The following PUDP variants were observed in gnomAD, a reference collection of about 807,000 sequenced individuals.
The protein encoded by PUDP is pseudouridine 5'-phosphatase.
A neutral mutation model predicts 9.4 loss-of-function variants in PUDP; 8 were observed. The ratio of observed to expected loss-of-function variants is 0.85; its 90% CI spans 0.50 to 1.53. The LOEUF is 1.53. Ranked by LOEUF, PUDP falls within the 40% of genes most tolerant of loss-of-function variation. PUDP has a pLI of 0.00. For missense variants in PUDP, 188 were observed against 189.7 expected (o/e 0.99, Z 0.05); for synonymous variants, 99 against 80.7 (o/e 1.23, Z -1.22).
At chrX:6,973,331 T>A (rs1261996837) in intron 3 of PUDP, among the ~76,000 whole-genome samples, 1 of 112,229 alleles carries the variant, frequency 8.9e-6, no homozygotes, top group Non-Finnish European at 1.9e-5. Flanking sequence ...TCCCACTTTC[T>A]CCTGTGGGCA....
intron 3 of PUDP, among the ~76,000 whole-genome samples, chrX:6,837,737 C>T (rs13440955): frequency 3.8e-4 from 42 of 111,719 alleles, no homozygotes; most frequent in African/African-American, 9.8e-4. Context: ...TACACTGATG[C>T]GCAACCCATC....
intron 1 of PUDP, among the ~76,000 whole-genome samples, chrX:7,111,576 C>T (rs1196485789): frequency 9.0e-6 from 1 of 111,355 alleles, no homozygotes; most frequent in Non-Finnish European, 1.9e-5. Context: ...TCCTCTAAAG[C>T]CTGGTGGTCT....
At chrX:6,850,790 C>T (rs1302756671) in intron 3 of PUDP, among the ~76,000 whole-genome samples, 1 of 112,061 alleles carries the variant, frequency 8.9e-6, no homozygotes, top group East Asian at 2.8e-4. Context: ...ATGAAAATAG[C>T]TGACACCTGG....
chrX:6,903,176 A>G (rs1927716365), intron 3 of PUDP, among the ~76,000 whole-genome samples: 1 of 112,324 alleles, frequency 8.9e-6, no homozygotes, highest in Admixed American at 9.4e-5. Context: ...ATGAGCATGA[A>G]CTTCTTACAG....
At chrX:6,811,623 C>CT (rs35328260) in intron 3 of PUDP, among the ~76,000 whole-genome samples, 35 of 100,241 alleles carry the variant, frequency 3.5e-4, no homozygotes, top group Admixed American at 1.2e-3. Context: ...CACGCCTGGC[C>CT]TTTTTTTTTT....
intron 3 of PUDP, chrX:7,057,612 AG>A: frequency 9.1e-7 from 1 of 1,100,996 alleles, no homozygotes. Context: ...AAGGAGAGGT[AG>A]CTTTTGTGAC....
intron 2 of PUDP, among the ~76,000 whole-genome samples, chrX:7,096,890 A>G (rs773728010): frequency 1.8e-5 from 2 of 110,848 alleles, no homozygotes; most frequent in South Asian, 7.8e-4. Context: ...CTGAAGGGAT[A>G]TTCTCCCTAC....
At chrX:6,899,499 G>A (rs1383165785) in intron 3 of PUDP, among the ~76,000 whole-genome samples, 1 of 109,840 alleles carries the variant, frequency 9.1e-6, no homozygotes, top group Non-Finnish European at 1.9e-5. Context: ...CTTGAACCCA[G>A]GAGGCAGAGG....
chrX:7,089,797 T>A (rs1394575708), intron 2 of PUDP, among the ~76,000 whole-genome samples: 2 of 111,472 alleles, frequency 1.8e-5, no homozygotes, highest in African/African-American at 3.3e-5. Context: ...TACCATGGGG[T>A]CTGTAAAGCT....
intron 3 of PUDP, among the ~76,000 whole-genome samples, chrX:7,069,483 G>A (rs1209357017): frequency 1.8e-5 from 2 of 110,369 alleles, no homozygotes; most frequent in Non-Finnish European, 1.9e-5. Context: ...TGCCACGTGC[G>A]CTCGGCAGGC....
At chrX:7,098,933 G>A (rs1244152260) in intron 2 of PUDP, among the ~76,000 whole-genome samples, 2 of 111,062 alleles carry the variant, frequency 1.8e-5, no homozygotes, top group African/African-American at 6.5e-5. Context: ...GGGAGAGCCG[G>A]CCAAGAGATG....
chrX:7,049,196 AG>A lies in PUDP; in HGVS notation c.*1099del, dbSNP rs1300989922. On this transcript the variant is annotated 3_prime_UTR_variant, in exon 4 of 4. Coordinates refer to ENST00000381077, the MANE Select transcript of PUDP (RefSeq NM_012080.5). ...AGGACATCAAAGGGCAGAGGCCCCT[AG>A]GAAGGGCTGAGCCACAATGAAGCAG... 4.5e-5 allele frequency: 5 copies of A among 112,270 alleles called. No homozygotes were observed. In the East Asian group the frequency reaches 1.4e-3, roughly 31 times the overall value. 9.3% of individuals were successfully genotyped at this position (112,270 alleles called of 1,213,427 possible). A position where few individuals can be genotyped will look rare whatever the true frequency, so the allele number is the denominator to read the frequency against.
intron 3 of PUDP, among the ~76,000 whole-genome samples, chrX:6,750,812 A>G (rs1216481289): frequency 8.9e-6 from 1 of 111,931 alleles, no homozygotes; most frequent in Non-Finnish European, 1.9e-5. Context: ...AACACTGGAC[A>G]CTATCAAGAA....
downstream of PUDP, among the ~76,000 whole-genome samples, chrX:7,044,756 A>G (rs80093896): frequency 1.8e-5 from 2 of 112,669 alleles, no homozygotes; most frequent in East Asian, 5.6e-4. Context: ...GCAGAAATTT[A>G]GAGTTATTTT....
intron 3 of PUDP, among the ~76,000 whole-genome samples, chrX:6,946,058 A>G (rs769389650): frequency 9.0e-6 from 1 of 110,738 alleles, no homozygotes; most frequent in East Asian, 2.9e-4. Context: ...TGCTGCCCCT[A>G]CCCTTTGTGA....
chrX:6,839,947 T>C (rs1255543749), intron 3 of PUDP, among the ~76,000 whole-genome samples: 1 of 111,096 alleles, frequency 9.0e-6, no homozygotes, highest in Non-Finnish European at 1.9e-5. Flanking sequence ...TTTAGTGCAT[T>C]TATTTATAAT....
In PUDP at chrX:7,077,123, A is replaced by C. The variant is rs1930931042; in HGVS notation, c.510+97T>G. ...GCATTGCAAAGTGGCCTTCAACAGC[A>C]CAAACCACAACTTTTCACATTTAGC... On this transcript the variant is annotated intron_variant, in intron 3 of 3. Coordinates refer to ENST00000381077, the MANE Select transcript of PUDP (RefSeq NM_012080.5). 2.7e-6 allele frequency: 3 copies of C among 1,126,402 alleles called. 1 individual carries two copies. Among genetic ancestry groups the C allele is most frequent in the Non-Finnish European group, 3.5e-6 (3 of 850,388 alleles). 92.8% of individuals were successfully genotyped at this position (1,126,402 alleles called of 1,213,427 possible). A position where few individuals can be genotyped will look rare whatever the true frequency, so the allele number is the denominator to read the frequency against.
At chrX:6,964,723 A>C (rs966008437) in intron 3 of PUDP, among the ~76,000 whole-genome samples, 13 of 111,490 alleles carry the variant, frequency 1.2e-4, no homozygotes, top group Non-Finnish European at 2.4e-4. Flanking sequence ...AAATAAATAA[A>C]TAAAAAGTGT....
chrX:6,908,906 A>G (rs1294605762), intron 3 of PUDP, among the ~76,000 whole-genome samples: 1 of 111,679 alleles, frequency 9.0e-6, no homozygotes, highest in Non-Finnish European at 1.9e-5. Flanking sequence ...ATGGCTAGAC[A>G]CCAGAAGCCG....
Sources: allele counts gnomAD v4.1 joint callset (sites outside exome capture counted in the v4.1 genomes callset), GRCh38; gene constraint gnomAD v4.1.1; transcripts MANE v1.5; gene names NCBI Gene and HGNC (gene_info 2026-07-23, HGNC 2026-07-21).